The following CNBD1 variants were observed in gnomAD, a reference collection of about 807,000 sequenced individuals.
CNBD1 encodes cyclic nucleotide binding domain containing 1.
Under a neutral mutation model 54.4 loss-of-function variants are expected in CNBD1, and 71 were observed. The observed-to-expected ratio is 1.30, with a 90% confidence interval of 1.08 to 1.59. The LOEUF is 1.59. Among genes scored for constraint, CNBD1 ranks in the 40% most tolerant of loss-of-function variants. The pLI is 0.00. For synonymous variants in CNBD1, 182 were observed against 170.7 expected (o/e 1.07, Z -0.51); for missense variants, 659 against 518.0 (o/e 1.27, Z -2.64).
chr8:87,185,047 C>T (rs1441016657), intron 4 of CNBD1, among the ~76,000 whole-genome samples: 2 of 151,928 alleles, frequency 1.3e-5, no homozygotes, highest in African/African-American at 4.8e-5. Flanking sequence ...AACTTTGTTA[C>T]TGATTTCTAA....
chr8:87,065,153 G>A (rs918346147), intron 4 of CNBD1, among the ~76,000 whole-genome samples: 6 of 151,796 alleles, frequency 4.0e-5, no homozygotes, highest in Non-Finnish European at 5.9e-5. Context: ...CTAGTTCTTT[G>A]AAGAAGCTCT....
Position 87,120,556 on chromosome 8 carries a change from A to G in CNBD1, c.432-85437A>G, listed in dbSNP as rs140682281. ...TATTGATTTGTAGTCTATTTTGTTC[A>G]GTTTTGCTCTGATTTCTGTTATTTC... On this transcript the variant is annotated intron_variant, in intron 4 of 10. Coordinates refer to ENST00000518476, the MANE Select transcript of CNBD1 (RefSeq NM_173538.3). Among the ~76,000 whole-genome samples the G allele has an allele frequency of 2.9e-3, 444 of 151,584 alleles. 5 individuals are homozygous for G. Among genetic ancestry groups the G allele is most frequent in the African/African-American group, 0.01 (421 of 41,384 alleles).
chr8:87,209,759 T>C (rs1814053406), intron 5 of CNBD1, among the ~76,000 whole-genome samples: 1 of 152,128 alleles, frequency 6.6e-6, no homozygotes. Flanking sequence ...CATCACACTC[T>C]CTGATTTCAA....
intron 2 of CNBD1, among the ~76,000 whole-genome samples, chr8:87,422,953 G>A (rs1807967951): frequency 6.6e-6 from 1 of 151,804 alleles, no homozygotes; most frequent in Non-Finnish European, 1.5e-5. Context: ...ATTTCCTTGA[G>A]CAGCGGTTTG....
At chr8:87,321,134 C>A (rs1366019173) in intron 8 of CNBD1, among the ~76,000 whole-genome samples, 2 of 129,700 alleles carry the variant, frequency 1.5e-5, no homozygotes, top group African/African-American at 5.6e-5. Flanking sequence ...GTGAATAATG[C>A]TACAACAGGA....
chr8:87,078,652 A>G (rs2130661901), intron 4 of CNBD1, among the ~76,000 whole-genome samples: 1 of 152,324 alleles, frequency 6.6e-6, no homozygotes, highest in Admixed American at 6.5e-5. Flanking sequence ...AAAGGGACTA[A>G]TAGAGTCTTG....
At chr8:86,951,904 A>T (rs908625115) in intron 4 of CNBD1, among the ~76,000 whole-genome samples, 1 of 152,178 alleles carries the variant, frequency 6.6e-6, no homozygotes, top group African/African-American at 2.4e-5. Context: ...CCTAAAAAAG[A>T]TAGCTACTAA....
At chr8:87,096,921 G>A (rs906057158) in intron 4 of CNBD1, among the ~76,000 whole-genome samples, 2 of 152,020 alleles carry the variant, frequency 1.3e-5, no homozygotes, top group Non-Finnish European at 2.9e-5. Flanking sequence ...AGAAAGCAGT[G>A]AAGCACTGGA....
At chr8:87,265,517 T>A (rs1808235651) in intron 6 of CNBD1, among the ~76,000 whole-genome samples, 1 of 152,118 alleles carries the variant, frequency 6.6e-6, no homozygotes, top group African/African-American at 2.4e-5. Context: ...AAAGTATTTT[T>A]CACATAAGAT....
intron 4 of CNBD1, among the ~76,000 whole-genome samples, chr8:87,181,965 G>A (rs1813359296): frequency 6.6e-6 from 1 of 152,054 alleles, no homozygotes; most frequent in Admixed American, 6.5e-5. Context: ...TGTGTTACTA[G>A]CGTTTGTTGT....
At chr8:87,025,434 C>T (rs560469949) in intron 4 of CNBD1, among the ~76,000 whole-genome samples, 7 of 152,328 alleles carry the variant, frequency 4.6e-5, no homozygotes, top group Admixed American at 3.9e-4. Context: ...TGTGGCTTTA[C>T]TCCTGAAGTC....
intron 4 of CNBD1, among the ~76,000 whole-genome samples, chr8:86,940,050 G>C (rs186348101): frequency 2.7e-5 from 4 of 150,746 alleles, no homozygotes; most frequent in Admixed American, 2.6e-4. Context: ...TGTTAAAGAT[G>C]TCCTTAGCTT....
intron 4 of CNBD1, among the ~76,000 whole-genome samples, chr8:87,130,929 C>A (rs1812105813): frequency 6.6e-6 from 1 of 151,536 alleles, no homozygotes; most frequent in Non-Finnish European, 1.5e-5. Context: ...GATTTTATGT[C>A]TTGTGAAATC....
chr8:86,884,714 C>T lies in CNBD1; in HGVS notation c.89-2828C>T, dbSNP rs191237859. Among the ~76,000 whole-genome samples the T allele has an allele frequency of 7.4e-4, 113 of 152,290 alleles. 2 individuals carry two copies. The highest frequency in any genetic ancestry group is 5.3e-3 in the Admixed American group (81 of 15,306). Reference sequence around the variant, plus strand: ...TCAGTCCTATGCTAGAATTCACCTTCTGCTTATTATTGTATAAGGGTTGCT... The same window carrying T: ...TCAGTCCTATGCTAGAATTCACCTTTTGCTTATTATTGTATAAGGGTTGCT... On this transcript the variant is annotated intron_variant, in intron 1 of 10. Transcript: ENST00000518476.
At chr8:87,282,016 T>G (rs1473690187) in intron 6 of CNBD1, among the ~76,000 whole-genome samples, 1 of 151,734 alleles carries the variant, frequency 6.6e-6, no homozygotes, top group Non-Finnish European at 1.5e-5. Context: ...TTATTTTCTT[T>G]GAGTCAAATT....
chr8:86,951,528 C>T (rs187352735), intron 4 of CNBD1, among the ~76,000 whole-genome samples: 2,255 of 120,706 alleles, frequency 0.019, 61 homozygotes, highest in African/African-American at 0.069. Flanking sequence ...TTCAGTGAGC[C>T]GAGATCATGC....
intron 5 of CNBD1, among the ~76,000 whole-genome samples, chr8:87,233,520 G>A (rs1302337097): frequency 1.3e-5 from 2 of 152,102 alleles, no homozygotes; most frequent in Non-Finnish European, 2.9e-5. Context: ...TAATGACTAC[G>A]TGAACCTTCA....
rs564352626 is a variant in CNBD1 at position 87,317,939 on chromosome 8, G to A, written c.1042+31268G>A. 4.5e-4 allele frequency among the ~76,000 whole-genome samples: 68 copies of A among 151,290 alleles called. No individual in the cohort carries two copies. The Middle Eastern group carries it at 0.01, about 23-fold the overall frequency. Reference sequence around the variant, plus strand: ...GTCTTATTTTAGGTGAATTTCTATTGGTGTGTCTTCAAGTTCACCAATATT... The same window carrying A: ...GTCTTATTTTAGGTGAATTTCTATTAGTGTGTCTTCAAGTTCACCAATATT... On this transcript the variant is annotated intron_variant, in intron 8 of 10. Transcript: ENST00000518476.
intron 6 of CNBD1, 58 bp downstream of exon 6, chr8:87,237,170 C>T (rs191023955): frequency 1.9e-6 from 2 of 1,045,864 alleles, no homozygotes; most frequent in East Asian, 2.4e-5. Flanking sequence ...TTTTGTAAAA[C>T]TTTATCTCTT....
Sources: allele counts gnomAD v4.1 joint callset (sites outside exome capture counted in the v4.1 genomes callset), GRCh38; gene constraint gnomAD v4.1.1; transcripts MANE v1.5; gene names NCBI Gene and HGNC (gene_info 2026-07-23, HGNC 2026-07-21).